Variants in DMC1 observed in about 807,000 individuals in gnomAD.
DMC1 encodes DNA meiotic recombinase 1.
In DMC1, 27 loss-of-function variants were observed where a neutral mutation model predicts 50.1. The ratio of observed to expected loss-of-function variants is 0.54; its 90% CI spans 0.40 to 0.74. The LOEUF (loss-of-function observed/expected upper bound fraction) is 0.74. DMC1 is among the 30% of genes least tolerant of loss of function. DMC1 has a pLI of 0.00. For missense variants in DMC1, 295 were observed against 420.2 expected (o/e 0.70, Z 2.60); for synonymous variants, 148 against 136.1 (o/e 1.09, Z -0.61).
At chr22:38,545,755 C>A (rs2090337290) in intron 8 of DMC1, 1 of 152,094 alleles carries the variant, frequency 6.6e-6, no homozygotes, top group Admixed American at 6.6e-5. Context: ...TGGGCTTATG[C>A]TGAAGGGAAG....
At chr22:38,541,179 C>T (rs1265479442) in intron 8 of DMC1, among the ~76,000 whole-genome samples, 1 of 152,196 alleles carries the variant, frequency 6.6e-6, no homozygotes, top group South Asian at 2.1e-4. Context: ...ATCACCCCAG[C>T]ACCTGGACCC....
the DMC1 span, among the ~76,000 whole-genome samples, chr22:38,511,500 G>C: frequency 6.6e-6 from 1 of 152,132 alleles, no homozygotes; most frequent in Middle Eastern, 3.4e-3. Context: ...TGAGGTGGGA[G>C]CGTCACTTGA....
chr22:38,515,488 AAAAG>A (rs1432868833), downstream of DMC1, among the ~76,000 whole-genome samples: 22 of 150,058 alleles, frequency 1.5e-4, no homozygotes, highest in Admixed American at 8.0e-4. Flanking sequence ...AAAAAAAAAA[AAAAG>A]AAAGAAAAAA....
chr22:38,562,456 T>C, intron 4 of DMC1, 87 bp from the exon 5 acceptor site: 1 of 898,062 alleles, frequency 1.1e-6, no homozygotes, highest in Non-Finnish European at 1.9e-6. Flanking sequence ...TATACTCAGT[T>C]ATTAAGATCA....
intron 12 of DMC1, among the ~76,000 whole-genome samples, chr22:38,534,575 C>T (rs550527031): frequency 5.8e-4 from 88 of 151,868 alleles, no homozygotes; most frequent in African/African-American, 1.8e-3. Flanking sequence ...TGGTGGCAGG[C>T]GCCTGTAATC....
intron 5 of DMC1, among the ~76,000 whole-genome samples, chr22:38,561,364 C>G (rs2090525876): frequency 6.6e-6 from 1 of 151,980 alleles, no homozygotes; most frequent in Non-Finnish European, 1.5e-5. Flanking sequence ...GACTCCATCT[C>G]TTTTTTCCTC....
At chr22:38,544,617 C>T (rs2090322005) in intron 8 of DMC1, among the ~76,000 whole-genome samples, 1 of 151,546 alleles carries the variant, frequency 6.6e-6, no homozygotes, top group African/African-American at 2.4e-5. Flanking sequence ...CCAATCTTGG[C>T]AAAATAAACT....
In DMC1 at chr22:38,522,160, C is replaced by A. The variant is rs534979594; in HGVS notation, c.837-436G>T. Among the ~76,000 whole-genome samples the A allele has an allele frequency of 1.8e-4, 27 of 150,122 alleles. No homozygotes were observed. The East Asian group carries it at 5.5e-3, about 31-fold the overall frequency. On this transcript the variant is annotated intron_variant, in intron 12 of 13. Coordinates refer to ENST00000216024, the MANE Select transcript of DMC1 (RefSeq NM_007068.4). The stretch of plus-strand genomic sequence containing the variant: ...TAGAGATGAGGTTTCACTGTGTTGG[C>A]CAGGCTGGTCTCGAACTCCTGACCT...
intron 12 of DMC1, among the ~76,000 whole-genome samples, chr22:38,524,680 C>T (rs1046233829): frequency 3.3e-5 from 5 of 152,150 alleles, no homozygotes; most frequent in African/African-American, 1.2e-4. Context: ...CATTCAGCTC[C>T]TACACAGCCT....
intron 5 of DMC1, among the ~76,000 whole-genome samples, chr22:38,557,953 G>GTTTTTTTTTTTTTTTTTTTTTTT (rs1555940699): frequency 3.2e-5 from 3 of 94,976 alleles, no homozygotes; most frequent in Admixed American, 1.0e-4. Flanking sequence ...ATTAGACAAA[G>GTTTTTTTTTTTTTTTTTTTTTTT]TTCTTTTTTT....
At chr22:38,556,118 C>T (rs768935712) in intron 5 of DMC1, among the ~76,000 whole-genome samples, 66 of 152,204 alleles carry the variant, frequency 4.3e-4, no homozygotes, top group Non-Finnish European at 7.5e-4. Flanking sequence ...AGGCATAAGC[C>T]ACCATGCCCA....
intron 8 of DMC1, among the ~76,000 whole-genome samples, chr22:38,548,864 T>C (rs532128568): frequency 9.2e-5 from 14 of 152,076 alleles, no homozygotes; most frequent in Non-Finnish European, 1.8e-4. Flanking sequence ...GTAAAATTAG[T>C]ACATTAAAAT....
chr22:38,529,588 T>C (rs189549387), intron 12 of DMC1, among the ~76,000 whole-genome samples: 31 of 152,220 alleles, frequency 2.0e-4, no homozygotes, highest in Admixed American at 5.9e-4. Flanking sequence ...CCTGGCAATG[T>C]CAAATTAGGA....
In DMC1 at chr22:38,563,625, G is replaced by A. The variant is rs527579688; in HGVS notation, c.244-1256C>T. Among the ~76,000 whole-genome samples, 40 of 152,128 alleles carry A rather than the reference G, an allele frequency of 2.6e-4. No homozygotes were observed. In the South Asian group the frequency reaches 3.3e-3, roughly 13 times the overall value. ...TCCCAGCACTTTGAGAGGCTGAGGC[G>A]GGAGGACTGCTTGATGCCAGCAGTT... On this transcript the variant is annotated intron_variant, in intron 4 of 13. Coordinates refer to ENST00000216024, the MANE Select transcript of DMC1 (RefSeq NM_007068.4).
chr22:38,550,708 A>G (rs2145930170), intron 7 of DMC1, among the ~76,000 whole-genome samples: 1 of 150,866 alleles, frequency 6.6e-6, no homozygotes, highest in East Asian at 2.0e-4. Context: ...AGGTGGGTGG[A>G]TCATTTGAGG....
At chr22:38,527,647 G>A (rs1252003801) in intron 12 of DMC1, among the ~76,000 whole-genome samples, 1 of 150,456 alleles carries the variant, frequency 6.6e-6, no homozygotes, top group Non-Finnish European at 1.5e-5. Flanking sequence ...AGCCTCCCAA[G>A]TAGCTGGGAT....
Position 38,562,365 on chromosome 22 carries a change from G to A in DMC1, c.248C>T (p.Pro83Leu), listed in dbSNP as rs2090536735. ...IKEAANKLIE[P>L]GFLTAFEYSE... The stretch of plus-strand genomic sequence containing the variant: ...ATACTCAAATGCAGTCAAGAATCCT[G>A]GTTCCTACAGAAAGATAAAAGGAAA... The change falls in exon 5 of 14, where the codon CCA becomes CTA. Residue 83 changes from proline (P) to leucine (L), a missense_variant. Coordinates refer to ENST00000216024, the MANE Select transcript of DMC1 (RefSeq NM_007068.4). 2 of 1,605,116 alleles carry A rather than the reference G, an allele frequency of 1.2e-6. No homozygotes were observed. Among genetic ancestry groups the A allele is most frequent in the Non-Finnish European group, 1.7e-6 (2 of 1,172,602 alleles).
rs557752954 is a variant in DMC1 at position 38,534,713 on chromosome 22, C to T, written c.836+2879G>A. On this transcript the variant is annotated intron_variant, in intron 12 of 13. Transcript: ENST00000216024. ...GCAAGACTCTGTCTCAAAAAACAAACAAACACGACTGAGTGCGGTGGGTCA... is the reference window on the plus strand; with the variant it reads ...GCAAGACTCTGTCTCAAAAAACAAATAAACACGACTGAGTGCGGTGGGTCA... 7.1e-4 allele frequency among the ~76,000 whole-genome samples: 106 copies of T among 148,974 alleles called. 3 individuals carry two copies. The South Asian group carries it at 0.022, about 30-fold the overall frequency.
chr22:38,538,607 G>A lies in DMC1; in HGVS notation c.592C>T (p.His198Tyr). The A allele has an allele frequency of 6.2e-7, 1 of 1,613,444 alleles. No individual in the cohort carries two copies. The highest frequency in any genetic ancestry group is 8.5e-7 in the Non-Finnish European group (1 of 1,179,466). Residue 198 changes from histidine to tyrosine, a missense_variant, in exon 10 of 14, where the codon CAT becomes TAT. Transcript: ENST00000216024. Reference protein sequence around the residue: ...VLYARAYTSEHQMELLDYVAA... With the variant: ...VLYARAYTSEYQMELLDYVAA... The stretch of plus-strand genomic sequence containing the variant: ...ACATAATCAAGTAGCTCCATCTGAT[G>A]TTCACCTGATGGGAAATGCAGTGAG...
Sources: allele counts gnomAD v4.1 joint callset (sites outside exome capture counted in the v4.1 genomes callset), GRCh38; gene constraint gnomAD v4.1.1; transcripts MANE v1.5; gene names NCBI Gene and HGNC (gene_info 2026-07-23, HGNC 2026-07-21).